The following TSHZ2 variants were observed in gnomAD, a reference collection of about 807,000 sequenced individuals.
The protein encoded by TSHZ2 is teashirt homolog 2.
In TSHZ2, 21 loss-of-function variants were observed where a neutral mutation model predicts 74.4. That is an observed-to-expected ratio of 0.28 (90% confidence interval 0.20 to 0.41). The LOEUF is 0.41. Among genes scored for constraint, TSHZ2 ranks in the 10% least tolerant of loss-of-function variants. The probability of loss-of-function intolerance (pLI) is 1.00; values close to 1 mark genes in which losing one functional copy is unlikely to be tolerated. For synonymous variants in TSHZ2, 540 were observed against 515.3 expected, an observed-to-expected ratio of 1.05 and a Z score of -0.65; for missense variants, 1,244 against 1,293.5, an observed-to-expected ratio of 0.96 and a Z score of 0.59.
chr20:53,080,708 G>A (rs1260440539), intron 1 of TSHZ2, among the ~76,000 whole-genome samples: 1 of 152,050 alleles, frequency 6.6e-6, no homozygotes, highest in Admixed American at 6.6e-5. Context: ...GGTAATGTTC[G>A]CTCGCCCACC....
chr20:53,206,247 T>C, intron 1 of TSHZ2, among the ~76,000 whole-genome samples: 1 of 151,806 alleles, frequency 6.6e-6, no homozygotes, highest in Non-Finnish European at 1.5e-5. Context: ...TAATAATAAA[T>C]AAAGACACAC....
In TSHZ2 at chr20:53,033,797, C is replaced by T. The variant is rs192260100; in HGVS notation, c.40+60464C>T. On this transcript the variant is annotated intron_variant, in intron 1 of 2. Transcript: ENST00000371497. ...GCCTCAGCCTCCTGAGGAACTAGGA[C>T]TGCAGGCATGCACCCCTAGGCCTGG... is the stretch of plus-strand genomic sequence containing the variant. Among the ~76,000 whole-genome samples, 362 of 151,320 alleles carry T rather than the reference C, an allele frequency of 2.4e-3. 1 individual carries two copies. The highest frequency in any genetic ancestry group is 8.5e-3 in the African/African-American group (349 of 41,220).
At chr20:53,299,890 G>A (rs1175162553) in intron 2 of TSHZ2, among the ~76,000 whole-genome samples, 1 of 152,152 alleles carries the variant, frequency 6.6e-6, no homozygotes, top group Non-Finnish European at 1.5e-5. Flanking sequence ...CCACATGATA[G>A]CATATTTTTT....
chr20:53,002,651 A>C (rs1384820409), intron 1 of TSHZ2, among the ~76,000 whole-genome samples: 1 of 137,264 alleles, frequency 7.3e-6, no homozygotes, highest in Non-Finnish European at 1.6e-5. Context: ...TTTATAAAAA[A>C]TAAATTTATA....
intron 1 of TSHZ2, among the ~76,000 whole-genome samples, chr20:53,006,373 G>A (rs890057023): frequency 1.3e-5 from 2 of 152,204 alleles, no homozygotes; most frequent in Non-Finnish European, 1.5e-5. Context: ...TAGCTATTCT[G>A]GAAGAAGTCT....
rs367695395 is a variant in TSHZ2 at position 53,038,903 on chromosome 20, TG to T, written c.40+65571del. 3.4e-4 allele frequency among the ~76,000 whole-genome samples: 49 copies of T among 145,578 alleles called. No homozygotes were observed. In the South Asian group the frequency reaches 8.7e-3, roughly 26 times the overall value. On this transcript the variant is annotated intron_variant, in intron 1 of 2. Transcript: ENST00000371497. ...GTTTTGTTTTGTTTGTTTGTTTGTT[TG>T]TTTGTTTTTGAGATGGAGTTTCACT...
At chr20:53,232,257 G>A (rs966623739) in intron 1 of TSHZ2, among the ~76,000 whole-genome samples, 2 of 152,128 alleles carry the variant, frequency 1.3e-5, no homozygotes, top group African/African-American at 4.8e-5. Context: ...AACAAACAGA[G>A]CATTGGAATT....
intron 1 of TSHZ2, among the ~76,000 whole-genome samples, chr20:53,055,701 C>A (rs902005912): frequency 6.6e-6 from 1 of 152,100 alleles, no homozygotes; most frequent in Non-Finnish European, 1.5e-5. Flanking sequence ...TGACATGTTA[C>A]CTCTTTAAAA....
chr20:53,251,161 C>T (rs562465396), intron 1 of TSHZ2, among the ~76,000 whole-genome samples: 1 of 152,130 alleles, frequency 6.6e-6, no homozygotes, highest in Non-Finnish European at 1.5e-5. Context: ...GCTGTGATTA[C>T]GTTACCCACA....
intron 1 of TSHZ2, among the ~76,000 whole-genome samples, chr20:53,163,811 C>T (rs538109739): frequency 2.0e-5 from 3 of 152,336 alleles, no homozygotes; most frequent in Admixed American, 6.5e-5. Flanking sequence ...AGCTAAGCCC[C>T]TTCTAGTTTC....
At chr20:53,132,912 C>T (rs1471443443) in intron 1 of TSHZ2, among the ~76,000 whole-genome samples, 1 of 152,008 alleles carries the variant, frequency 6.6e-6, no homozygotes, top group East Asian at 1.9e-4. Context: ...TCCTTCATTC[C>T]CTCTCTTCCA....
chr20:53,226,254 G>C (rs1002038216), intron 1 of TSHZ2, among the ~76,000 whole-genome samples: 1 of 152,140 alleles, frequency 6.6e-6, no homozygotes, highest in South Asian at 2.1e-4. Context: ...CAGCCTTGCC[G>C]TATTCTGTCA....
intron 1 of TSHZ2, among the ~76,000 whole-genome samples, chr20:53,086,649 G>A (rs1288474754): frequency 6.6e-6 from 1 of 152,122 alleles, no homozygotes; most frequent in Non-Finnish European, 1.5e-5. Context: ...GGACAGCTCT[G>A]TTCATCCTAA....
chr20:53,470,074 C>G (rs919678945), intron 2 of TSHZ2, among the ~76,000 whole-genome samples: 3 of 152,148 alleles, frequency 2.0e-5, no homozygotes, highest in Admixed American at 1.3e-4. Context: ...TTTGTTCTTT[C>G]TGGTTTATTT....
chr20:53,155,617 C>T (rs1987777082), intron 1 of TSHZ2, among the ~76,000 whole-genome samples: 1 of 151,896 alleles, frequency 6.6e-6, no homozygotes, highest in African/African-American at 2.4e-5. Context: ...TGAGGGAAAA[C>T]TCAATGCACA....
chr20:53,021,424 G>A (rs1330391704), intron 1 of TSHZ2, among the ~76,000 whole-genome samples: 1 of 152,158 alleles, frequency 6.6e-6, no homozygotes, highest in African/African-American at 2.4e-5. Flanking sequence ...AGAACCACTG[G>A]TTTAAATGGA....
At chr20:52,979,449 T>C (rs1304249036) in intron 1 of TSHZ2, among the ~76,000 whole-genome samples, 2 of 152,346 alleles carry the variant, frequency 1.3e-5, no homozygotes, top group East Asian at 3.9e-4. Context: ...CGTATCCATA[T>C]TGCTCATTTT....
chr20:53,146,146 G>T (rs187747325), intron 1 of TSHZ2, among the ~76,000 whole-genome samples: 6 of 152,172 alleles, frequency 3.9e-5, no homozygotes, highest in Admixed American at 3.9e-4. Context: ...TAAAGACCAT[G>T]TTGTCTTTGT....
chr20:53,406,743 C>T (rs570758373), intron 2 of TSHZ2, among the ~76,000 whole-genome samples: 4 of 152,044 alleles, frequency 2.6e-5, no homozygotes, highest in Non-Finnish European at 5.9e-5. Flanking sequence ...GCAAGTCAGG[C>T]GATGAAAGGT....
Sources: gnomAD v4.1 joint callset for allele counts (sites outside exome capture counted in the v4.1 genomes callset) on GRCh38, gnomAD v4.1.1 for gene constraint, MANE v1.5 for transcripts, NCBI Gene and HGNC (gene_info 2026-07-23, HGNC 2026-07-21) for gene names.